Variants in TTL observed in about 807,000 individuals in gnomAD.
TTL encodes tubulin--tyrosine ligase.
A neutral mutation model predicts 41.1 loss-of-function variants in TTL; 10 were observed. The observed-to-expected ratio is 0.24, with a 90% CI of 0.15 to 0.41. The LOEUF (loss-of-function observed/expected upper bound fraction) is 0.41, where lower values mean the gene tolerates loss of function less well. TTL is among the 10% of genes least tolerant of loss of function. The pLI is 1.00. For synonymous variants in TTL, 175 were observed against 175.5 expected (o/e 1.00, Z 0.02); for missense variants, 367 against 460.4 (o/e 0.80, Z 1.86).
chr2:112,522,145 A>G (rs1286123946), intron 6 of TTL: 1 of 152,294 alleles, frequency 6.6e-6, no homozygotes, highest in African/African-American at 2.4e-5. Flanking sequence ...TTTCCCAACT[A>G]TTCAAAAAGA....
intron 6 of TTL, among the ~76,000 whole-genome samples, chr2:112,524,862 T>G (rs1280435053): frequency 2.0e-5 from 3 of 152,114 alleles, no homozygotes; most frequent in Non-Finnish European, 4.4e-5. Flanking sequence ...TGAAGTCCTT[T>G]CCCATGCCTA....
At chr2:112,497,523 G>A in intron 3 of TTL, among the ~76,000 whole-genome samples, 1 of 152,020 alleles carries the variant, frequency 6.6e-6, no homozygotes. Context: ...GGTATAAAAC[G>A]ATACATAAAA....
chr2:112,496,284 A>G (rs2943628), intron 3 of TTL, among the ~76,000 whole-genome samples: 2 of 152,244 alleles, frequency 1.3e-5, no homozygotes, highest in African/African-American at 2.4e-5. Context: ...TTTTGCTTTA[A>G]GAGTTGAAGA....
Position 112,494,328 on chromosome 2 carries a change from A to G in TTL, c.422A>G (p.Asp141Gly), listed in dbSNP as rs1681469101. Residue 141 changes from aspartate (D) to glycine (G), a missense_variant, in exon 3 of 7, where the codon GAT becomes GGT. Transcript: ENST00000233336. Reference sequence around the variant, plus strand: ...GCCTCTTATAACAGAAAGAAAGAGGATGGAGAGGGCAACGTTTGGATTGCA... The same window carrying G: ...GCCTCTTATAACAGAAAGAAAGAGGGTGGAGAGGGCAACGTTTGGATTGCA... ...FLASYNRKKE[D>G]GEGNVWIAKS... 6.2e-7 allele frequency: 1 copy of G among 1,614,072 alleles called. No individual in the cohort carries two copies. Among genetic ancestry groups the G allele is most frequent in the African/African-American group, 1.3e-5 (1 of 74,936 alleles).
chr2:112,497,872 A>G (rs1681578142), intron 3 of TTL, among the ~76,000 whole-genome samples: 1 of 152,260 alleles, frequency 6.6e-6, no homozygotes, highest in African/African-American at 2.4e-5. Context: ...ACCACAACGA[A>G]CTGTCACTAC....
intron 5 of TTL, among the ~76,000 whole-genome samples, chr2:112,514,096 T>C (rs1015838835): frequency 1.3e-5 from 2 of 152,100 alleles, no homozygotes; most frequent in African/African-American, 4.8e-5. Context: ...AAGAAACTCA[T>C]TTTTAGGCCA....
Position 112,502,991 on chromosome 2 carries a change from C to T in TTL, c.685C>T (p.His229Tyr), listed in dbSNP as rs1339151417. The part of the protein sequence containing the change: ...GVLRTASEPY[H>Y]VDNFQDKTCH... ...GCTTCGGACTGCTTCAGAACCATAT[C>T]ATGTTGATAATTTCCAAGACAAAAC... is the stretch of plus-strand genomic sequence containing the variant. Residue 229 changes from histidine to tyrosine, a missense_variant, in exon 5 of 7, where the codon CAT becomes TAT. Transcript: ENST00000233336. 6.2e-7 allele frequency: 1 copy of T among 1,613,932 alleles called. No homozygotes were observed. Among genetic ancestry groups the T allele is most frequent in the East Asian group, 2.2e-5 (1 of 44,874 alleles).
rs1336665926 is a variant in TTL, at chr2:112,482,301, C to T, written c.-44C>T. The T allele has an allele frequency of 1.9e-5, 26 of 1,395,370 alleles. No homozygotes were observed. Among genetic ancestry groups the T allele is most frequent in the African/African-American group, 3.0e-5 (2 of 65,662 alleles). 86.4% of individuals were successfully genotyped at this position (1,395,370 alleles called of 1,614,324 possible). A position where few individuals can be genotyped will look rare whatever the true frequency, so the allele number is the denominator to read the frequency against. ...TGAGCCGCCTTCTCGGCCGCCTGGT[C>T]CCTGCGGCGGCTGCCCGGCGGCCCG... On this transcript the variant is annotated 5_prime_UTR_variant, in exon 1 of 7. Transcript: ENST00000233336. This position sits in a 1 kb window ranked among gnomAD's most constrained non-coding sequence, Gnocchi z 5.3.
intron 2 of TTL, among the ~76,000 whole-genome samples, chr2:112,489,166 T>C (rs1236811393): frequency 6.6e-6 from 1 of 152,228 alleles, no homozygotes; most frequent in African/African-American, 2.4e-5. Context: ...TATTTTGACA[T>C]GTAATTAATA....
chr2:112,494,694 T>C (rs1681479330), intron 3 of TTL, among the ~76,000 whole-genome samples: 1 of 152,178 alleles, frequency 6.6e-6, no homozygotes, highest in South Asian at 2.1e-4. Context: ...TTCCACTTAG[T>C]ATATGATCCC....
chr2:112,498,355 CAG>C (rs1681592290), intron 3 of TTL, among the ~76,000 whole-genome samples: 1 of 152,066 alleles, frequency 6.6e-6, no homozygotes, highest in South Asian at 2.1e-4. Context: ...GTACTACTTA[CAG>C]TCACCCTAGA....
chr2:112,513,788 T>C (rs955989826), intron 5 of TTL, among the ~76,000 whole-genome samples: 1 of 151,986 alleles, frequency 6.6e-6, no homozygotes, highest in African/African-American at 2.4e-5. Context: ...TGAATACACA[T>C]GTATGGTAAA....
intron 6 of TTL, among the ~76,000 whole-genome samples, chr2:112,527,143 G>C (rs778782144): frequency 2.0e-5 from 3 of 152,220 alleles, no homozygotes; most frequent in Non-Finnish European, 4.4e-5. Context: ...TTGCACTGTG[G>C]TCTGGGAGAC....
At chr2:112,485,246 G>A (rs1467951379) in intron 1 of TTL, among the ~76,000 whole-genome samples, 1 of 152,114 alleles carries the variant, frequency 6.6e-6, no homozygotes, top group East Asian at 1.9e-4. Flanking sequence ...CACTGTGTCT[G>A]GCTGAAAACA....
chr2:112,541,037 AG>A lies in TTL; in HGVS notation c.*12244del. 6.6e-6 allele frequency: 1 copy of A among 152,346 alleles called. No individual in the cohort carries two copies. The highest frequency in any genetic ancestry group is 2.1e-4 in the South Asian group (1 of 4,832). 9.4% of individuals were successfully genotyped at this position (152,346 alleles called of 1,614,324 possible). On this transcript the variant is annotated 3_prime_UTR_variant, in exon 7 of 7. Transcript: ENST00000233336. The stretch of plus-strand genomic sequence containing the variant: ...TCATGACAGAAATGATGAATGCTTG[AG>A]GTGATGGAAACCCCATCTACCCTCC...
Position 112,520,642 on chromosome 2 carries a change from A to G in TTL, c.1019+217A>G, listed in dbSNP as rs1682199898. ...CCAGATAGGCCCAGTGTGGTAGCTCATGCTTGTAATCCCAGCACTTTGGGA... is the reference window on the plus strand; with the variant it reads ...CCAGATAGGCCCAGTGTGGTAGCTCGTGCTTGTAATCCCAGCACTTTGGGA... On this transcript the variant is annotated intron_variant, in intron 6 of 6. Coordinates refer to ENST00000233336, the MANE Select transcript of TTL (RefSeq NM_153712.5). 1.5e-5 allele frequency: 8 copies of G among 546,498 alleles called. No homozygotes were observed. In the South Asian group the frequency reaches 2.0e-4, roughly 14 times the overall value. 33.9% of individuals were successfully genotyped at this position (546,498 alleles called of 1,614,324 possible).
chr2:112,511,550 GTTTTC>G (rs1157588320), intron 5 of TTL, among the ~76,000 whole-genome samples: 3 of 151,312 alleles, frequency 2.0e-5, no homozygotes, highest in South Asian at 4.2e-4. Context: ...TCATTATGTA[GTTTTC>G]TTTTCTTTTT....
chr2:112,486,556 G>A (rs1357353753), intron 2 of TTL, among the ~76,000 whole-genome samples: 2 of 152,214 alleles, frequency 1.3e-5, no homozygotes, highest in African/African-American at 4.8e-5. Flanking sequence ...CCCTCAGAAA[G>A]GATATCTGGG....
At chr2:112,517,052 G>C (rs1481674822) in intron 5 of TTL, among the ~76,000 whole-genome samples, 1 of 149,956 alleles carries the variant, frequency 6.7e-6, no homozygotes, top group African/African-American at 2.5e-5. Flanking sequence ...CTTCCAGCTA[G>C]CCTCCCCCTA....
Sources: allele counts gnomAD v4.1 joint callset (sites outside exome capture counted in the v4.1 genomes callset), GRCh38; gene constraint gnomAD v4.1.1; non-coding constraint Gnocchi (gnomAD v3.1); transcripts MANE v1.5; gene names NCBI Gene and HGNC (gene_info 2026-07-23, HGNC 2026-07-21).